Variants in RABGEF1 observed in about 807,000 individuals in gnomAD.
RABGEF1 encodes rab5 GDP/GTP exchange factor.
RABGEF1 carries 26 observed loss-of-function variants against 57.3 expected under a neutral mutation model. That is an observed-to-expected ratio of 0.45 (90% CI 0.33 to 0.63). The LOEUF (loss-of-function observed/expected upper bound fraction) is 0.63, where lower values mean the gene tolerates loss of function less well. Among genes scored for constraint, RABGEF1 ranks in the 20% least tolerant of loss-of-function variants. The pLI is 0.02. For synonymous variants in RABGEF1, 185 were observed against 210.7 expected, an observed-to-expected ratio of 0.88 and a Z score of 1.06; for missense variants, 464 against 607.6, an observed-to-expected ratio of 0.76 and a Z score of 2.48.
intron 1 of RABGEF1, among the ~76,000 whole-genome samples, chr7:66,710,239 A>AC (rs1032357873): frequency 1.3e-5 from 2 of 152,144 alleles, no homozygotes; most frequent in Admixed American, 6.6e-5. Flanking sequence ...GCTAAGTATT[A>AC]CCCCATTGAT....
At chr7:66,756,109 C>T in intron 1 of RABGEF1, 2 of 1,322,568 alleles carry the variant, frequency 1.5e-6, no homozygotes, top group South Asian at 3.2e-5. Context: ...AGAAGAATAT[C>T]TATAAATCAA....
Position 66,699,127 on chromosome 7 carries a change from C to T in RABGEF1, c.-872-13040C>T, listed in dbSNP as rs148275614. Among the ~76,000 whole-genome samples the T allele has an allele frequency of 7.9e-5, 12 of 152,278 alleles. No homozygotes were observed. The East Asian group carries it at 2.3e-3, about 29-fold the overall frequency. ...AACCTGTGGGGAGGCGAATTCCAGGCCCCTCTGGGTTTCCTCGTGGGTCCA... is the reference window on the plus strand; with the variant it reads ...AACCTGTGGGGAGGCGAATTCCAGGTCCCTCTGGGTTTCCTCGTGGGTCCA... On this transcript the variant is annotated intron_variant and NMD_transcript_variant, in intron 1 of 9. Transcript: ENST00000607882.
At chr7:66,768,247 G>A (rs570744744) in intron 1 of RABGEF1, among the ~76,000 whole-genome samples, 1 of 152,262 alleles carries the variant, frequency 6.6e-6, no homozygotes, top group South Asian at 2.1e-4. Context: ...TCTTTCTCTT[G>A]TAAGGATGTT....
chr7:66,707,318 A>G (rs1195755780), intron 1 of RABGEF1, among the ~76,000 whole-genome samples: 1 of 152,044 alleles, frequency 6.6e-6, no homozygotes, highest in Non-Finnish European at 1.5e-5. Context: ...GTTGGGTAGG[A>G]TGTTCTATAG....
At chr7:66,760,442 A>ATGTTTT (rs1230260856) in intron 1 of RABGEF1, among the ~76,000 whole-genome samples, 4 of 126,156 alleles carry the variant, frequency 3.2e-5, no homozygotes, top group Non-Finnish European at 6.7e-5. Context: ...GTTAGCATGT[A>ATGTTTT]TTTTTTTTTT....
At position 66,771,910 on chromosome 7, in the gene RABGEF1, A is replaced by G. The variant is rs1807248496; in HGVS notation, c.11A>G (p.Lys4Arg). The G allele has an allele frequency of 1.3e-6, 2 of 1,549,992 alleles. No homozygotes were observed. Among genetic ancestry groups the G allele is most frequent in the South Asian group, 1.2e-5 (1 of 82,466 alleles). Residue 4 changes from lysine to arginine, a missense_variant, in exon 2 of 9, where the codon AAG becomes AGG. Physicochemically the swap from Lys to Arg is conservative, Grantham distance 26 (BLOSUM62 2). Coordinates refer to ENST00000284957, the MANE Select transcript of RABGEF1 (RefSeq NM_014504.3). ...GTTAGCAGGAAGAAGATGAGCCTTA[A>G]GTCTGAACGCCGAGGAATTCATGTG... MSL[K>R]SERRGIHVDQ...
intron 1 of RABGEF1, among the ~76,000 whole-genome samples, chr7:66,752,751 C>G (rs1370977486): frequency 6.6e-6 from 1 of 152,212 alleles, no homozygotes; most frequent in African/African-American, 2.4e-5. Context: ...ACCCAGTACT[C>G]TGTGTTTTAA....
chr7:66,767,677 A>G (rs1263586675), intron 1 of RABGEF1, among the ~76,000 whole-genome samples: 4 of 152,160 alleles, frequency 2.6e-5, no homozygotes, highest in Non-Finnish European at 5.9e-5. Flanking sequence ...GTGCCCTTAT[A>G]AGAGACTGCA....
chr7:66,779,955 T>C (rs1809488951), intron 3 of RABGEF1, among the ~76,000 whole-genome samples: 1 of 152,192 alleles, frequency 6.6e-6, no homozygotes, highest in Non-Finnish European at 1.5e-5. Flanking sequence ...TTTAGGAAGC[T>C]TGGAGAAAAA....
intron 7 of RABGEF1, among the ~76,000 whole-genome samples, chr7:66,802,005 G>T (rs542463634): frequency 5.6e-4 from 85 of 152,292 alleles, no homozygotes; most frequent in African/African-American, 2.0e-3. Flanking sequence ...GACCTCACAG[G>T]CTCAAGCGAT....
At chr7:66,718,584 G>T (rs1795663197) in intron 2 of RABGEF1, among the ~76,000 whole-genome samples, 1 of 152,094 alleles carries the variant, frequency 6.6e-6, no homozygotes, top group Admixed American at 6.6e-5. Flanking sequence ...AATAGGCAAT[G>T]GATTTGGTTA....
upstream of RABGEF1, among the ~76,000 whole-genome samples, chr7:66,679,667 C>G (rs1455276191): frequency 6.6e-6 from 1 of 152,148 alleles, no homozygotes; most frequent in South Asian, 2.1e-4. Context: ...ATGATACCCA[C>G]TTTTTGTTAC....
intron 1 of RABGEF1, among the ~76,000 whole-genome samples, chr7:66,752,494 A>T (rs1304157082): frequency 4.6e-5 from 6 of 129,134 alleles, no homozygotes; most frequent in Admixed American, 4.0e-4. Flanking sequence ...AACTCCGTCT[A>T]AAAAAAAAAA....
At chr7:66,673,265 C>T in the RABGEF1 span, among the ~76,000 whole-genome samples, 1 of 150,804 alleles carries the variant, frequency 6.6e-6, no homozygotes, top group South Asian at 2.1e-4. Flanking sequence ...TCGTAGGGTG[C>T]ATTTCTTACT....
chr7:66,713,339 G>A (rs977884510), intron 2 of RABGEF1, among the ~76,000 whole-genome samples: 5 of 151,140 alleles, frequency 3.3e-5, no homozygotes, highest in South Asian at 2.1e-4. Flanking sequence ...GATGGGTTTC[G>A]CTGTGGTCTC....
the RABGEF1 span, chr7:66,668,699 G>T: frequency 6.6e-6 from 1 of 152,390 alleles, no homozygotes; most frequent in Admixed American, 6.5e-5. Flanking sequence ...GGCAAGAGAG[G>T]GACATTTGTG....
At chr7:66,781,025 C>T (rs1383185137) in intron 3 of RABGEF1, among the ~76,000 whole-genome samples, 1 of 151,986 alleles carries the variant, frequency 6.6e-6, no homozygotes, top group South Asian at 2.1e-4. Flanking sequence ...GTTTATAGCA[C>T]GTATATTTAA....
At chr7:66,736,034 C>G (rs1314096916), upstream of RABGEF1, among the ~76,000 whole-genome samples, 1 of 152,074 alleles carries the variant, frequency 6.6e-6, no homozygotes, top group Admixed American at 6.6e-5. Context: ...TTGTATTTAG[C>G]ATTGCACTGG....
the RABGEF1 span, among the ~76,000 whole-genome samples, chr7:66,655,753 A>G: frequency 2.0e-5 from 3 of 152,242 alleles, no homozygotes; most frequent in Admixed American, 1.3e-4. Context: ...TATATTGTTA[A>G]TATTTAATGA....
Sources: gnomAD v4.1 joint callset for allele counts (sites outside exome capture counted in the v4.1 genomes callset) on GRCh38, gnomAD v4.1.1 for gene constraint, MANE v1.5 for transcripts, NCBI Gene and HGNC (gene_info 2026-07-23, HGNC 2026-07-21) for gene names.